RAE1: variants seen among roughly 807,000 people sequenced by gnomAD.
RAE1 encodes mRNA export factor RAE1.
In RAE1, 13 loss-of-function variants were observed where a neutral mutation model predicts 52.7. That is an observed-to-expected ratio of 0.25 (90% CI 0.16 to 0.39). RAE1 has a LOEUF of 0.39. RAE1 is among the 10% of genes least tolerant of loss of function. The pLI is 1.00. For synonymous variants in RAE1, 164 were observed against 153.1 expected, an observed-to-expected ratio of 1.07 and a Z score of -0.52; for missense variants, 262 against 459.8, an observed-to-expected ratio of 0.57 and a Z score of 3.93.
Position 57,356,504 on chromosome 20 carries a change from A to C in RAE1, c.254A>C (p.His85Pro). ...ACCATTCCAAAAGCCCAGCAGATGC[A>C]CACTGGGCCTGTGCTTGATGTCTGC... ...GQTIPKAQQM[H>P]TGPVLDVCWS... is the part of the protein sequence containing the mutation. The change falls in exon 4 of 12, where the codon CAC becomes CCC. Residue 85 changes from histidine (H) to proline (P), a missense_variant. Transcript: ENST00000395841. The C allele has an allele frequency of 6.2e-7, 1 of 1,613,404 alleles. No individual in the cohort carries two copies. The highest frequency in any genetic ancestry group is 8.5e-7 in the Non-Finnish European group (1 of 1,179,506).
intron 4 of RAE1, among the ~76,000 whole-genome samples, chr20:57,363,492 A>G (rs955472078): frequency 6.6e-6 from 1 of 152,112 alleles, no homozygotes; most frequent in Admixed American, 6.6e-5. Context: ...CAGCCTGGCA[A>G]CAACCCTGTC....
intron 4 of RAE1, chr20:57,359,445 A>G (rs918678223): frequency 6.5e-6 from 1 of 154,788 alleles, no homozygotes; most frequent in Non-Finnish European, 1.4e-5. Context: ...GTTAGAATTT[A>G]AGATAGTTAG....
chr20:57,359,075 G>A lies in RAE1; in HGVS notation c.288+2537G>A, dbSNP rs141070635. 6.5e-4 allele frequency: 926 copies of A among 1,435,406 alleles called. 15 individuals carry two copies. In the East Asian group the frequency reaches 0.015, roughly 23 times the overall value. 88.9% of individuals were successfully genotyped at this position (1,435,406 alleles called of 1,614,324 possible). The stretch of plus-strand genomic sequence containing the variant: ...CCCTATTTAGAGAACAAGTGATTAT[G>A]CTACCTTCGCACGGTCAGGATACCA... On this transcript the variant is annotated intron_variant, in intron 4 of 11. Coordinates refer to ENST00000395841, the MANE Select transcript of RAE1 (RefSeq NM_003610.4).
intron 8 of RAE1, among the ~76,000 whole-genome samples, chr20:57,370,008 C>G (rs565841218): frequency 1.3e-5 from 2 of 152,282 alleles, no homozygotes; most frequent in South Asian, 4.1e-4. Flanking sequence ...TCCCATACAC[C>G]CGTCTCTCCT....
intron 5 of RAE1, 108 bp downstream of exon 5, chr20:57,365,550 A>C (rs1042604927): frequency 8.1e-5 from 61 of 748,894 alleles, no homozygotes; most frequent in Admixed American, 6.2e-5. Flanking sequence ...GTGCAGTTAG[A>C]CTCTGTCAAA....
chr20:57,370,524 G>A (rs866076463), intron 8 of RAE1, among the ~76,000 whole-genome samples: 2 of 152,128 alleles, frequency 1.3e-5, no homozygotes, highest in Non-Finnish European at 2.9e-5. Flanking sequence ...CTGGAGACTC[G>A]TACCTCATTC....
chr20:57,377,937 T>C (rs1310370938), intron 11 of RAE1, 76 bp from the exon 12 acceptor site: 1 of 1,045,736 alleles, frequency 9.6e-7, no homozygotes, highest in Admixed American at 2.2e-5. Context: ...GCACAGGACT[T>C]CACCTAGAAA....
chr20:57,360,606 G>C (rs2066877914), intron 4 of RAE1, among the ~76,000 whole-genome samples: 1 of 152,172 alleles, frequency 6.6e-6, no homozygotes, highest in Non-Finnish European at 1.5e-5. Context: ...TCTTGTCTTA[G>C]CTACTGTGTC....
chr20:57,376,495 C>T (rs2067117593), intron 11 of RAE1, among the ~76,000 whole-genome samples: 1 of 152,216 alleles, frequency 6.6e-6, no homozygotes, highest in African/African-American at 2.4e-5. Flanking sequence ...ACATTTTCCC[C>T]TCGCCCCAGC....
At chr20:57,365,273 A>C (rs2146154740) in intron 4 of RAE1, 83 bp from the exon 5 acceptor site, 3 of 965,540 alleles carry the variant, frequency 3.1e-6, no homozygotes, top group Admixed American at 2.7e-5. Flanking sequence ...TTGCCTCAAT[A>C]TGTTCAACGT....
At chr20:57,366,690 T>C in intron 5 of RAE1, 117 bp from the exon 6 acceptor site, 1 of 1,002,698 alleles carries the variant, frequency 1.0e-6, no homozygotes, top group East Asian at 2.6e-5. Flanking sequence ...TTTTGGTTTT[T>C]GTTTGGTATG....
chr20:57,373,848 C>T (rs2067071983), intron 10 of RAE1, 110 bp downstream of exon 10: 1 of 1,152,256 alleles, frequency 8.7e-7, no homozygotes, highest in Non-Finnish European at 1.3e-6. Context: ...CTTGTGTGTT[C>T]ATGTCCGGAG....
chr20:57,377,909 T>C lies in RAE1; in HGVS notation c.1021-104T>C, dbSNP rs540061739. The C allele has an allele frequency of 9.4e-6, 7 of 746,446 alleles. No individual in the cohort carries two copies. The South Asian group carries it at 1.4e-4, about 15-fold the overall frequency. 46.2% of individuals were successfully genotyped at this position (746,446 alleles called of 1,614,324 possible). Reference sequence around the variant, plus strand: ...GTTGTTTTATTTCTCTGAGAGATTATATGTTTCCAGTATTGTAGCACAGGA... The same window carrying C: ...GTTGTTTTATTTCTCTGAGAGATTACATGTTTCCAGTATTGTAGCACAGGA... On this transcript the variant is annotated intron_variant, in intron 11 of 11. Transcript: ENST00000395841.
chr20:57,353,931 G>A (rs1403966964), intron 1 of RAE1, 101 bp from the exon 2 acceptor site: 2 of 1,042,152 alleles, frequency 1.9e-6, no homozygotes, highest in Non-Finnish European at 2.9e-6. Context: ...CTGGCCTCAA[G>A]CCACTTTGAG....
chr20:57,374,826 G>A (rs2067087700), intron 11 of RAE1, 25 bp downstream of exon 11: 3 of 1,613,410 alleles, frequency 1.9e-6, no homozygotes, highest in Non-Finnish European at 2.5e-6. Flanking sequence ...GCCTGCTCTG[G>A]GTGCTCCAAG....
At chr20:57,361,633 T>A (rs2146146642) in intron 4 of RAE1, among the ~76,000 whole-genome samples, 1 of 152,340 alleles carries the variant, frequency 6.6e-6, no homozygotes, top group East Asian at 1.9e-4. Context: ...CAGTCCGGAA[T>A]ATTCAGTATA....
rs751248475 is a variant in RAE1, at chr20:57,358,954, G to C, written c.288+2416G>C. The C allele has an allele frequency of 1.9e-5, 27 of 1,446,044 alleles. No homozygotes were observed. The South Asian group carries it at 3.9e-4, about 21-fold the overall frequency. The allele number at this position is 1,446,044 out of a possible 1,614,324, so 89.6% of individuals were successfully genotyped here. On this transcript the variant is annotated intron_variant, in intron 4 of 11. Transcript: ENST00000395841. ...AATTAAAGCTCCATAAGGTTTTCTC[G>C]TCTTATTTGTTTATATCCGCCTCTT...
rs141160761 is a variant in RAE1, at chr20:57,368,779, A to G, written c.609A>G (p.Glu203=). The G allele has an allele frequency of 6.1e-5, 99 of 1,613,170 alleles. No homozygotes were observed. The highest frequency in any genetic ancestry group is 7.0e-5 in the Non-Finnish European group (83 of 1,179,702). Residue 203 remains glutamate (E), a synonymous_variant, in exon 8 of 12, where the codon GAA becomes GAG. Transcript: ENST00000395841. ...IVYQLENQPS[E]FRRIESPLKH... ...ATCAGCTAGAGAATCAACCTTCTGA[A>G]TTCAGGAGGATAGAATCTCCACTGA...
In RAE1 at chr20:57,373,745, T is replaced by C. The variant is rs1297412132; in HGVS notation, c.825+7T>C. ...TCCTCAGGACATTTATGCGGTACGT[T>C]TTTAGACACTTTAACCGTGGTAATA... On this transcript the variant is annotated splice_region_variant and intron_variant, in intron 10 of 11. Transcript: ENST00000395841. 6.2e-7 allele frequency: 1 copy of C among 1,609,822 alleles called. No individual in the cohort carries two copies. The highest frequency in any genetic ancestry group is 1.3e-5 in the African/African-American group (1 of 74,776).
Sources: allele counts gnomAD v4.1 joint callset (sites outside exome capture counted in the v4.1 genomes callset), GRCh38; gene constraint gnomAD v4.1.1; transcripts MANE v1.5; gene names NCBI Gene and HGNC (gene_info 2026-07-23, HGNC 2026-07-21).